MICU1: variants seen among roughly 807,000 people sequenced by gnomAD.
The protein encoded by MICU1 is calcium uptake protein 1, mitochondrial.
A neutral mutation model predicts 56.8 loss-of-function variants in MICU1; 45 were observed. The observed-to-expected ratio is 0.79, with a 90% confidence interval of 0.62 to 1.02. The LOEUF is 1.02. Among genes scored for constraint, MICU1 ranks in the 50% least tolerant of loss-of-function variants. The pLI, the probability that MICU1 is intolerant of heterozygous loss-of-function variation, is 0.00. For missense variants in MICU1, 504 were observed against 587.1 expected, an observed-to-expected ratio of 0.86 and a Z score of 1.46; for synonymous variants, 186 against 195.1, an observed-to-expected ratio of 0.95 and a Z score of 0.39.
intron 8 of MICU1, among the ~76,000 whole-genome samples, chr10:72,469,609 A>C (rs1865891829): frequency 6.6e-6 from 1 of 152,244 alleles, no homozygotes; most frequent in Non-Finnish European, 1.5e-5. Context: ...TGACCTATTT[A>C]TATGCCTGTT....
chr10:72,537,163 T>C (rs1009341568), intron 4 of MICU1, among the ~76,000 whole-genome samples: 2 of 152,240 alleles, frequency 1.3e-5, no homozygotes, highest in Non-Finnish European at 2.9e-5. Flanking sequence ...AGACTTTCAT[T>C]ATTTCAAGTT....
intron 6 of MICU1, among the ~76,000 whole-genome samples, chr10:72,505,312 G>A (rs764875217): frequency 5.9e-5 from 9 of 152,026 alleles, no homozygotes; most frequent in Non-Finnish European, 1.3e-4. Flanking sequence ...CAAAAGATAA[G>A]AGATGCTGAC....
chr10:72,600,173 T>C (rs563815781), intron 1 of MICU1, among the ~76,000 whole-genome samples: 2 of 151,780 alleles, frequency 1.3e-5, no homozygotes, highest in South Asian at 2.1e-4. Flanking sequence ...GCGTCTGTAG[T>C]CCCAGCTACT....
intron 1 of MICU1, among the ~76,000 whole-genome samples, chr10:72,616,022 T>C (rs1841971013): frequency 1.3e-5 from 2 of 152,030 alleles, no homozygotes; most frequent in Admixed American, 1.3e-4. Context: ...AAAAAAAACA[T>C]GTTCAATCTT....
chr10:72,479,512 C>T (rs1284385281), intron 6 of MICU1, among the ~76,000 whole-genome samples: 2 of 152,188 alleles, frequency 1.3e-5, no homozygotes, highest in Admixed American at 6.5e-5. Flanking sequence ...CAACATTAAA[C>T]TCTCAGATAG....
chr10:72,586,484 C>T (rs893974767), intron 1 of MICU1, among the ~76,000 whole-genome samples: 5 of 151,958 alleles, frequency 3.3e-5, no homozygotes, highest in African/African-American at 1.2e-4. Context: ...AACCCCATCT[C>T]TACTAAAAAT....
At chr10:72,380,239 G>A (rs1862656608) in intron 10 of MICU1, among the ~76,000 whole-genome samples, 1 of 152,196 alleles carries the variant, frequency 6.6e-6, no homozygotes, top group Non-Finnish European at 1.5e-5. Context: ...TCTACAGGGA[G>A]CATGAAGGCA....
At chr10:72,392,714 CT>C (rs1272146331) in intron 10 of MICU1, among the ~76,000 whole-genome samples, 16 of 152,244 alleles carry the variant, frequency 1.1e-4, no homozygotes, top group Non-Finnish European at 2.1e-4. Context: ...ATTTCTTCCT[CT>C]TTTCTAAGAT....
At chr10:72,551,867 C>A (rs1840043783) in intron 3 of MICU1, among the ~76,000 whole-genome samples, 1 of 152,096 alleles carries the variant, frequency 6.6e-6, no homozygotes, top group Admixed American at 6.5e-5. Flanking sequence ...AACTCCTGGG[C>A]TCAAATGATC....
Position 72,477,682 on chromosome 10 carries a change from T to G in MICU1, c.653-426A>C, listed in dbSNP as rs564286132. 2.9e-5 allele frequency: 22 copies of G among 746,442 alleles called. 1 individual carries two copies. The South Asian group carries it at 3.9e-4, about 13-fold the overall frequency. 46.2% of individuals were successfully genotyped at this position (746,442 alleles called of 1,614,324 possible). On this transcript the variant is annotated intron_variant, in intron 6 of 11. Transcript: ENST00000361114. ...GAAACACTACATCTTAGTCTTACCC[T>G]CACAACAAGCCAGCTTTCTACTTTG...
At chr10:72,453,681 C>A (rs1468807473) in intron 8 of MICU1, among the ~76,000 whole-genome samples, 1 of 151,928 alleles carries the variant, frequency 6.6e-6, no homozygotes, top group Non-Finnish European at 1.5e-5. Context: ...AGGCTTGCAC[C>A]ACCACGCCGG....
intron 8 of MICU1, among the ~76,000 whole-genome samples, chr10:72,461,928 C>A (rs1044487118): frequency 4.6e-5 from 7 of 152,120 alleles, no homozygotes; most frequent in African/African-American, 1.7e-4. Context: ...CCAGCCTGGG[C>A]AACAAGAGTG....
intron 5 of MICU1, among the ~76,000 whole-genome samples, chr10:72,509,628 G>A (rs766426039): frequency 9.2e-5 from 14 of 152,180 alleles, no homozygotes; most frequent in Non-Finnish European, 1.3e-4. Flanking sequence ...TTTTGATGGC[G>A]CTTCTACTTA....
chr10:72,550,529 G>GA lies in MICU1; in HGVS notation c.493+649dup, dbSNP rs2132442417. Among the ~76,000 whole-genome samples, 2 of 152,320 alleles carry GA rather than the reference G, an allele frequency of 1.3e-5. 1 individual carries two copies. Among genetic ancestry groups the GA allele is most frequent in the South Asian group, 4.2e-4 (2 of 4,818 alleles). On this transcript the variant is annotated intron_variant, in intron 4 of 11. Coordinates refer to ENST00000361114, the MANE Select transcript of MICU1 (RefSeq NM_001195518.2). Reference sequence around the variant, plus strand: ...GTTCTATACAGTCACTGTGGACAATGAATTAGTGAATATCAACCTATTGCT... The same window carrying GA: ...GTTCTATACAGTCACTGTGGACAATGAAATTAGTGAATATCAACCTATTGCT...
At chr10:72,471,968 T>C (rs894266285) in intron 8 of MICU1, among the ~76,000 whole-genome samples, 7 of 151,956 alleles carry the variant, frequency 4.6e-5, no homozygotes, top group African/African-American at 1.7e-4. Context: ...ACATATCTAG[T>C]ATATTTTACA....
intron 1 of MICU1, among the ~76,000 whole-genome samples, chr10:72,603,874 G>C (rs1002477129): frequency 2.6e-5 from 4 of 152,158 alleles, no homozygotes; most frequent in Non-Finnish European, 5.9e-5. Flanking sequence ...GATCTGGAAA[G>C]GCAGGACAAC....
chr10:72,376,949 T>G (rs1862541727), intron 10 of MICU1, among the ~76,000 whole-genome samples: 1 of 151,950 alleles, frequency 6.6e-6, no homozygotes, highest in Non-Finnish European at 1.5e-5. Flanking sequence ...GTCTGTGGTG[T>G]GAGTACACTA....
intron 3 of MICU1, among the ~76,000 whole-genome samples, chr10:72,559,299 A>C (rs1371414248): frequency 6.6e-6 from 1 of 152,238 alleles, no homozygotes; most frequent in Non-Finnish European, 1.5e-5. Flanking sequence ...GTATAAAAGC[A>C]ATGTATTTTT....
At chr10:72,527,474 G>A (rs930210410) in intron 5 of MICU1, among the ~76,000 whole-genome samples, 4 of 151,778 alleles carry the variant, frequency 2.6e-5, no homozygotes, top group Admixed American at 6.6e-5. Context: ...GCAGTCCCCC[G>A]ACCTTATCCT....
Sources: gnomAD v4.1 joint callset for allele counts (sites outside exome capture counted in the v4.1 genomes callset) on GRCh38, gnomAD v4.1.1 for gene constraint, MANE v1.5 for transcripts, NCBI Gene and HGNC (gene_info 2026-07-23, HGNC 2026-07-21) for gene names.